SNX30: variants seen among roughly 807,000 people sequenced by gnomAD.
SNX30 encodes the protein sorting nexin family member 30.
A neutral mutation model predicts 46.4 loss-of-function variants in SNX30; 24 were observed. The ratio of observed to expected loss-of-function variants is 0.52; its 90% CI spans 0.37 to 0.73. The LOEUF (loss-of-function observed/expected upper bound fraction) is 0.73. Among genes scored for constraint, SNX30 ranks in the 30% least tolerant of loss-of-function variants. The pLI, the probability that SNX30 is intolerant of heterozygous loss-of-function variation, is 0.00. For missense variants in SNX30, 533 were observed against 555.7 expected, an observed-to-expected ratio of 0.96 and a Z score of 0.41; for synonymous variants, 189 against 211.5, an observed-to-expected ratio of 0.89 and a Z score of 0.92.
At chr9:112,834,960 C>T (rs1421690767) in intron 4 of SNX30, among the ~76,000 whole-genome samples, 1 of 151,578 alleles carries the variant, frequency 6.6e-6, no homozygotes, top group Non-Finnish European at 1.5e-5. Context: ...AGTGAATTCA[C>T]GAGGTGCCTA....
chr9:112,754,101 A>G (rs1295587407), intron 1 of SNX30, among the ~76,000 whole-genome samples: 1 of 152,198 alleles, frequency 6.6e-6, no homozygotes, highest in Admixed American at 6.5e-5. Context: ...GGCCAGGGGA[A>G]TGAAGGTTTG....
Position 112,751,174 on chromosome 9 carries a change from CG to C in SNX30, c.156+21del. The C allele has an allele frequency of 2.0e-6, 3 of 1,484,412 alleles. No individual in the cohort carries two copies. Among genetic ancestry groups the C allele is most frequent in the Non-Finnish European group, 2.7e-6 (3 of 1,119,282 alleles). The allele number at this position is 1,484,412 out of a possible 1,614,324, so 92.0% of individuals were successfully genotyped here. A position where few individuals can be genotyped will look rare whatever the true frequency, so the allele number is the denominator to read the frequency against. Reference sequence around the variant, plus strand: ...GGTGACAAGGTGGGGCGCCTGGGGCCGGGGAGTGGGAGGCTTATTTCGCTCC... The same window carrying C: ...GGTGACAAGGTGGGGCGCCTGGGGCCGGGAGTGGGAGGCTTATTTCGCTCC... On this transcript the variant is annotated intron_variant, in intron 1 of 8. Coordinates refer to ENST00000374232, the MANE Select transcript of SNX30 (RefSeq NM_001012994.2).
At chr9:112,776,628 G>A (rs926988813) in intron 1 of SNX30, among the ~76,000 whole-genome samples, 4 of 152,236 alleles carry the variant, frequency 2.6e-5, no homozygotes, top group Non-Finnish European at 5.9e-5. Flanking sequence ...ACACGCTCAT[G>A]TCTATGTGTG....
intron 5 of SNX30, among the ~76,000 whole-genome samples, chr9:112,836,751 A>G (rs911706697): frequency 2.0e-5 from 3 of 152,204 alleles, no homozygotes; most frequent in African/African-American, 7.2e-5. Flanking sequence ...TAATTTAGTA[A>G]ACAAACTTAG....
At position 112,837,887 on chromosome 9, in the gene SNX30, C is replaced by CTTTTTTTTTTTTTTTTTTT. The variant is rs10713538; in HGVS notation, c.815-606_815-588dup. 5.6e-5 allele frequency among the ~76,000 whole-genome samples: 4 copies of CTTTTTTTTTTTTTTTTTTT among 71,176 alleles called. 2 individuals are homozygous for CTTTTTTTTTTTTTTTTTTT. The highest frequency in any genetic ancestry group is 1.3e-4 in the African/African-American group (2 of 15,992). The allele number at this position is 71,176 out of a possible 152,430, so 46.7% of individuals were successfully genotyped here. A position where few individuals can be genotyped will look rare whatever the true frequency, so the allele number is the denominator to read the frequency against. ...CTATGGGTAGGCGAGTGGTTCTTTT[C>CTTTTTTTTTTTTTTTTTTT]TTTTTTTTTTTTTTTTTTTTTTTGA... On this transcript the variant is annotated intron_variant, in intron 5 of 8. Coordinates refer to ENST00000374232, the MANE Select transcript of SNX30 (RefSeq NM_001012994.2).
intron 8 of SNX30, 120 bp downstream of exon 8, chr9:112,864,519 T>TA: frequency 6.8e-6 from 9 of 1,324,632 alleles, no homozygotes; most frequent in Non-Finnish European, 8.4e-6. Context: ...TTTAGCTGCT[T>TA]AGTCTTGGCT....
chr9:112,794,810 A>T (rs1564271885), intron 1 of SNX30, among the ~76,000 whole-genome samples: 1 of 152,192 alleles, frequency 6.6e-6, no homozygotes, highest in Non-Finnish European at 1.5e-5. Context: ...TGTATCTTAA[A>T]ATTGAAATTC....
At chr9:112,850,988 C>T (rs752754677) in intron 7 of SNX30, 43 bp downstream of exon 7, 17 of 1,467,364 alleles carry the variant, frequency 1.2e-5, no homozygotes, top group African/African-American at 2.8e-5. Flanking sequence ...CTGTAGTCTC[C>T]CTGCTGGTGC....
At chr9:112,845,762 G>A (rs980833386) in intron 6 of SNX30, among the ~76,000 whole-genome samples, 20 of 152,170 alleles carry the variant, frequency 1.3e-4, no homozygotes, top group Non-Finnish European at 2.6e-4. Flanking sequence ...GGACCCAGCC[G>A]AGTCTCCTAT....
chr9:112,843,420 C>T lies in SNX30; in HGVS notation c.1014+4723C>T, dbSNP rs1230211246. Among the ~76,000 whole-genome samples the T allele has an allele frequency of 6.6e-5, 10 of 152,046 alleles. No homozygotes were observed. In the East Asian group the frequency reaches 1.9e-3, roughly 29 times the overall value. On this transcript the variant is annotated intron_variant, in intron 6 of 8. Coordinates refer to ENST00000374232, the MANE Select transcript of SNX30 (RefSeq NM_001012994.2). ...ACATGGAAAAGGCTGTGGCTGGAGA[C>T]TTGGAAGACATATGGGAGTGAGCTG...
At chr9:112,790,466 G>A (rs1840002093) in intron 1 of SNX30, among the ~76,000 whole-genome samples, 1 of 152,126 alleles carries the variant, frequency 6.6e-6, no homozygotes, top group South Asian at 2.1e-4. Context: ...CCCTGTTTGG[G>A]ACACACTACT....
intron 1 of SNX30, among the ~76,000 whole-genome samples, chr9:112,755,655 A>G (rs1329115383): frequency 6.6e-6 from 1 of 151,656 alleles, no homozygotes; most frequent in Non-Finnish European, 1.5e-5. Flanking sequence ...CATGAGCTGA[A>G]TGCAAACTAG....
chr9:112,861,533 T>C (rs561689304), intron 7 of SNX30, among the ~76,000 whole-genome samples: 29 of 152,340 alleles, frequency 1.9e-4, no homozygotes, highest in Non-Finnish European at 4.0e-4. Context: ...GTTCTAGAGC[T>C]GTCCACTGCA....
At chr9:112,804,411 T>G (rs2096185) in intron 1 of SNX30, among the ~76,000 whole-genome samples, 1 of 152,080 alleles carries the variant, frequency 6.6e-6, no homozygotes, top group African/African-American at 2.4e-5. Flanking sequence ...GTGAGCCACC[T>G]GTCTCGGCCT....
intron 7 of SNX30, among the ~76,000 whole-genome samples, chr9:112,858,407 C>G (rs1025518179): frequency 6.6e-6 from 1 of 151,928 alleles, no homozygotes; most frequent in Non-Finnish European, 1.5e-5. Context: ...TACAGCTACT[C>G]GGGAGGCTGA....
intron 1 of SNX30, among the ~76,000 whole-genome samples, chr9:112,758,606 G>A (rs1839388449): frequency 6.6e-6 from 1 of 152,174 alleles, no homozygotes; most frequent in Admixed American, 6.5e-5. Flanking sequence ...ATGTTGGCCA[G>A]GTTGGTCTCG....
At chr9:112,765,373 A>G (rs1259525487) in intron 1 of SNX30, among the ~76,000 whole-genome samples, 2 of 152,218 alleles carry the variant, frequency 1.3e-5, no homozygotes, top group African/African-American at 2.4e-5. Context: ...AGATAATGCA[A>G]TGGTCACTGC....
intron 3 of SNX30, 48 bp from the exon 4 acceptor site, chr9:112,830,677 T>C: frequency 6.4e-7 from 1 of 1,571,176 alleles, no homozygotes; most frequent in Non-Finnish European, 8.6e-7. Context: ...TGTTTTTCCT[T>C]GCACCATCTC....
At chr9:112,832,082 G>A (rs1840667552) in intron 4 of SNX30, among the ~76,000 whole-genome samples, 1 of 152,110 alleles carries the variant, frequency 6.6e-6, no homozygotes, top group Admixed American at 6.6e-5. Context: ...AGTGGAAGCC[G>A]CATGACAGAG....
Sources: gnomAD v4.1 joint callset for allele counts (sites outside exome capture counted in the v4.1 genomes callset) on GRCh38, gnomAD v4.1.1 for gene constraint, MANE v1.5 for transcripts, NCBI Gene and HGNC (gene_info 2026-07-23, HGNC 2026-07-21) for gene names.